The following FNIP2 variants were observed in gnomAD, a reference collection of about 807,000 sequenced individuals.
The protein encoded by FNIP2 is folliculin interacting protein 2.
In FNIP2, 32 loss-of-function variants were observed where a neutral mutation model predicts 108.7. That is an observed-to-expected ratio of 0.29 (90% CI 0.22 to 0.40). FNIP2 has a LOEUF of 0.40. FNIP2 is among the 10% of genes least tolerant of loss of function. The pLI is 1.00. For synonymous variants in FNIP2, 480 were observed against 496.7 expected, an observed-to-expected ratio of 0.97 and a Z score of 0.45; for missense variants, 1,202 against 1,381.6, an observed-to-expected ratio of 0.87 and a Z score of 2.06.
intron 7 of FNIP2, among the ~76,000 whole-genome samples, chr4:158,847,504 C>T (rs1209233981): frequency 6.6e-6 from 1 of 152,176 alleles, no homozygotes; most frequent in Admixed American, 6.5e-5. Flanking sequence ...CACAAAGGAA[C>T]CCGCTGCCTT....
intron 7 of FNIP2, among the ~76,000 whole-genome samples, chr4:158,849,675 A>G (rs1207841990): frequency 6.6e-6 from 1 of 152,144 alleles, no homozygotes; most frequent in Non-Finnish European, 1.5e-5. Context: ...ACTCCTTTCA[A>G]AATTCTCAGA....
chr4:158,851,708 T>A (rs1299739926), intron 8 of FNIP2, among the ~76,000 whole-genome samples: 2 of 152,208 alleles, frequency 1.3e-5, no homozygotes, highest in Admixed American at 6.5e-5. Flanking sequence ...GATTGGGTGT[T>A]CATTTAAAAT....
intron 3 of FNIP2, among the ~76,000 whole-genome samples, chr4:158,831,467 A>G (rs1778478373): frequency 6.6e-6 from 1 of 152,248 alleles, no homozygotes; most frequent in African/African-American, 2.4e-5. Flanking sequence ...ATTTGGCTGA[A>G]TAATACCGAA....
At chr4:158,794,776 G>C (rs1693443166) in intron 1 of FNIP2, 1 of 152,114 alleles carries the variant, frequency 6.6e-6, no homozygotes, top group African/African-American at 2.4e-5. Context: ...TTATCTTTCT[G>C]TTGAACAGCA....
intron 16 of FNIP2, among the ~76,000 whole-genome samples, chr4:158,897,757 G>C (rs1216641258): frequency 6.6e-6 from 1 of 152,156 alleles, no homozygotes; most frequent in African/African-American, 2.4e-5. Context: ...CAGATGGGAA[G>C]ATGGCAAAAA....
intron 1 of FNIP2, among the ~76,000 whole-genome samples, chr4:158,776,229 C>A (rs919385041): frequency 1.6e-4 from 25 of 152,218 alleles, no homozygotes; most frequent in Non-Finnish European, 2.8e-4. Flanking sequence ...ACCTACATAT[C>A]TGGTGGGGAC....
Position 158,833,605 on chromosome 4 carries a change from C to T in FNIP2, c.632C>T (p.Pro211Leu), listed in dbSNP as rs1778600370. 16 of 1,612,916 alleles carry T rather than the reference C, an allele frequency of 9.9e-6. No individual in the cohort carries two copies. The highest frequency in any genetic ancestry group is 1.2e-5 in the Non-Finnish European group (14 of 1,179,366). Reference protein sequence around the residue: ...KLNTNQNSLGPCRTGSNLAHS... With the variant: ...KLNTNQNSLGLCRTGSNLAHS... ...AACACAAATCAAAATAGTTTGGGTC[C>T]TTGTCGTACTGGAAGTAACCTAGGT... The change falls in exon 6 of 17, where the codon CCT becomes CTT. Residue 211 changes from proline to leucine, a missense_variant. Physicochemically the swap from Pro to Leu is moderately conservative, Grantham distance 98 (BLOSUM62 -3). Transcript: ENST00000264433.
Position 158,820,466 on chromosome 4 carries a change from C to T in FNIP2, c.108-5450C>T, listed in dbSNP as rs554645071. Among the ~76,000 whole-genome samples, 5 of 152,354 alleles carry T rather than the reference C, an allele frequency of 3.3e-5. No individual in the cohort carries two copies. In the South Asian group the frequency reaches 1.0e-3, roughly 32 times the overall value. ...GAAACCCAGGATTTACAAGTCACTA[C>T]TACCTCTGCATTTGCCCTGAAAATG... On this transcript the variant is annotated intron_variant, in intron 1 of 16. Transcript: ENST00000264433.
intron 14 of FNIP2, chr4:158,871,782 A>T: frequency 4.1e-6 from 4 of 985,050 alleles, no homozygotes; most frequent in Non-Finnish European, 4.8e-6. Flanking sequence ...CTTTATAGTT[A>T]TGAACACCAT....
intron 1 of FNIP2, among the ~76,000 whole-genome samples, chr4:158,810,099 GC>G (rs762052533): frequency 1.3e-5 from 2 of 152,164 alleles, no homozygotes; most frequent in Non-Finnish European, 2.9e-5. Flanking sequence ...ATATGCTAAG[GC>G]AACAGACCAA....
intron 14 of FNIP2, among the ~76,000 whole-genome samples, chr4:158,889,530 A>C (rs912661843): frequency 6.6e-6 from 1 of 152,222 alleles, no homozygotes; most frequent in African/African-American, 2.4e-5. Context: ...ATCATTTAGA[A>C]GACTAAGTTC....
intron 7 of FNIP2, among the ~76,000 whole-genome samples, chr4:158,838,566 G>A (rs1778943450): frequency 6.6e-6 from 1 of 151,968 alleles, no homozygotes; most frequent in South Asian, 2.1e-4. Flanking sequence ...TGATAAATGG[G>A]GAAATTTTTA....
In FNIP2 at chr4:158,831,808, C is replaced by T. The variant is rs549306172; in HGVS notation, c.382-53C>T. ...GATTAATAAACATTATTTTCTGTTG[C>T]ATTGCATGTCATGTTCCATGTACTA... On this transcript the variant is annotated intron_variant, in intron 3 of 16. Coordinates refer to ENST00000264433, the MANE Select transcript of FNIP2 (RefSeq NM_020840.3). The T allele has an allele frequency of 4.6e-5, 50 of 1,095,410 alleles. No homozygotes were observed. In the South Asian group the frequency reaches 6.6e-4, roughly 14 times the overall value. 67.9% of individuals were successfully genotyped at this position (1,095,410 alleles called of 1,614,324 possible). A position where few individuals can be genotyped will look rare whatever the true frequency, so the allele number is the denominator to read the frequency against.
intron 14 of FNIP2, 135 bp downstream of exon 14, chr4:158,870,604 C>T: frequency 1.7e-6 from 2 of 1,172,212 alleles, no homozygotes; most frequent in Non-Finnish European, 2.3e-6. Flanking sequence ...TTATGGGAAC[C>T]AGCTAGGGCT....
At chr4:158,892,224 G>A (rs1387028526) in intron 15 of FNIP2, among the ~76,000 whole-genome samples, 3 of 134,848 alleles carry the variant, frequency 2.2e-5, no homozygotes, top group South Asian at 5.1e-4. Context: ...TGCAACCTCC[G>A]CCTCCTGGGC....
At chr4:158,882,732 C>G (rs1781753071) in intron 14 of FNIP2, among the ~76,000 whole-genome samples, 1 of 152,162 alleles carries the variant, frequency 6.6e-6, no homozygotes, top group South Asian at 2.1e-4. Context: ...TGTGCTGTGT[C>G]CACTCAGGGT....
chr4:158,833,682 G>A (rs774546312), intron 6 of FNIP2, 54 bp downstream of exon 6: 2 of 1,501,800 alleles, frequency 1.3e-6, no homozygotes, highest in East Asian at 2.3e-5. Flanking sequence ...TATTGTGGGT[G>A]TGTGTTTTGC....
At chr4:158,874,956 G>A (rs529961237) in intron 14 of FNIP2, among the ~76,000 whole-genome samples, 14 of 150,904 alleles carry the variant, frequency 9.3e-5, no homozygotes, top group South Asian at 2.1e-4. Context: ...GTGTGGCAGC[G>A]GGTGCCTGTA....
intron 1 of FNIP2, among the ~76,000 whole-genome samples, chr4:158,786,542 G>C (rs148298196): frequency 1.3e-5 from 2 of 152,218 alleles, no homozygotes; most frequent in African/African-American, 4.8e-5. Context: ...CATTCCTTCC[G>C]TTTGCATTTT....
Sources: gnomAD v4.1 joint callset for allele counts (sites outside exome capture counted in the v4.1 genomes callset) on GRCh38, gnomAD v4.1.1 for gene constraint, MANE v1.5 for transcripts, NCBI Gene and HGNC (gene_info 2026-07-23, HGNC 2026-07-21) for gene names.